The following G6PD variants were observed in gnomAD, a reference collection of about 807,000 sequenced individuals.
The protein encoded by G6PD is glucose-6-phosphate 1-dehydrogenase.
A neutral mutation model predicts 38.2 loss-of-function variants in G6PD; 2 were observed. That is an observed-to-expected ratio of 0.05 (90% CI 0.02 to 0.16). The LOEUF is 0.16. G6PD is among the 10% of genes least tolerant of loss of function. The pLI, the probability that G6PD is intolerant of heterozygous loss-of-function variation, is 1.00. For synonymous variants in G6PD, 188 were observed against 196.0 expected, an observed-to-expected ratio of 0.96 and a Z score of 0.34; for missense variants, 310 against 471.6, an observed-to-expected ratio of 0.66 and a Z score of 3.17.
chrX:154,531,869 G>T lies in G6PD; in HGVS notation c.*131C>A. On this transcript the variant is annotated 3_prime_UTR_variant, in exon 13 of 13. Coordinates refer to ENST00000393562, the MANE Select transcript of G6PD (RefSeq NM_001360016.2). The stretch of plus-strand genomic sequence containing the variant: ...TCGGGTAGTAGCAGCAGCGAGGGGC[G>T]GGCCAGGGTGGCCAGAGCCCGGGGC... 2.9e-6 allele frequency: 3 copies of T among 1,047,865 alleles called. No individual in the cohort carries two copies. Among genetic ancestry groups the T allele is most frequent in the Non-Finnish European group, 3.9e-6 (3 of 778,401 alleles). 86.4% of individuals were successfully genotyped at this position (1,047,865 alleles called of 1,213,427 possible).
intron 2 of G6PD, among the ~76,000 whole-genome samples, chrX:154,538,241 C>T (rs1364119313): frequency 9.0e-6 from 1 of 111,186 alleles, no homozygotes; most frequent in Non-Finnish European, 1.9e-5. Context: ...GTGATCTGCC[C>T]GCCTCAGCCT....
chrX:154,547,517 A>G, upstream of G6PD: 2 of 753,818 alleles, frequency 2.7e-6, no homozygotes, highest in African/African-American at 4.6e-5. Flanking sequence ...TTCTCTCCGG[A>G]GCGGGATGCG....
Position 154,546,706 on chromosome X carries a change from A to G in G6PD, c.-9+83T>C, listed in dbSNP as rs2070729426. 1.1e-5 allele frequency: 9 copies of G among 821,021 alleles called. No homozygotes were observed. The South Asian group carries it at 1.8e-4, about 17-fold the overall frequency. The allele number at this position is 821,021 out of a possible 1,213,427, so 67.7% of individuals were successfully genotyped here. A position where few individuals can be genotyped will look rare whatever the true frequency, so the allele number is the denominator to read the frequency against. On this transcript the variant is annotated intron_variant, in intron 1 of 12. Transcript: ENST00000393562. Reference sequence around the variant, plus strand: ...ATTCTGCTCGGTTCTCAAGCACAACAAACAGCGTGTATTTTACCGCCGCGC... The same window carrying G: ...ATTCTGCTCGGTTCTCAAGCACAACGAACAGCGTGTATTTTACCGCCGCGC...
At position 154,532,927 on chromosome X, in the gene G6PD, G is replaced by A; in HGVS notation, c.1051+15C>T. The A allele has an allele frequency of 1.7e-6, 2 of 1,211,615 alleles. No homozygotes were observed. Among genetic ancestry groups the A allele is most frequent in the Non-Finnish European group, 2.2e-6 (2 of 895,217 alleles). On this transcript the variant is annotated intron_variant, in intron 9 of 12. Coordinates refer to ENST00000393562, the MANE Select transcript of G6PD (RefSeq NM_001360016.2). ...GCCCAGTTCTGCCTTGCTGGGCCTC[G>A]AAGGCATCACCTACCATCCCACCTC...
At chrX:154,547,206 G>T (rs185623633), upstream of G6PD, 319 of 442,309 alleles carry the variant, frequency 7.2e-4, 1 homozygote, top group African/African-American at 7.5e-3. Context: ...GCTCGCGGAG[G>T]GCTCCACTTC....
chrX:154,533,284 G>GCT, intron 8 of G6PD, 156 bp from the exon 9 acceptor site: 2 of 571,612 alleles, frequency 3.5e-6, no homozygotes, highest in Non-Finnish European at 5.6e-6. Context: ...CCCTCCCTGA[G>GCT]GACCCTCCAG....
At position 154,533,558 on chromosome X, in the gene G6PD, C is replaced by A; in HGVS notation, c.864+18G>T. The A allele has an allele frequency of 8.3e-7, 1 of 1,210,924 alleles. No individual in the cohort carries two copies. Among genetic ancestry groups the A allele is most frequent in the Non-Finnish European group, 1.1e-6 (1 of 894,533 alleles). On this transcript the variant is annotated intron_variant, in intron 8 of 12. Transcript: ENST00000393562. ...CTGCGACAGGGCATGCTCCTGGGGA[C>A]TGGGGTGCACCCCCTACCTTCTCAT... is the stretch of plus-strand genomic sequence containing the variant.
chrX:154,546,771 G>A lies in G6PD; in HGVS notation c.-9+18C>T. 8.7e-7 allele frequency: 1 copy of A among 1,143,549 alleles called. No individual in the cohort carries two copies. The allele number at this position is 1,143,549 out of a possible 1,213,427, so 94.2% of individuals were successfully genotyped here. On this transcript the variant is annotated intron_variant, in intron 1 of 12. Transcript: ENST00000393562. ...CAGTACGCTCCTCCGCCTGCGCGGC[G>A]CCCGCCCGGCCGGTTACCTGCGCTT...
chrX:154,534,586 G>C, intron 5 of G6PD, 90 bp from the exon 6 acceptor site: 1 of 1,107,107 alleles, frequency 9.0e-7, no homozygotes, highest in Non-Finnish European at 1.2e-6. Context: ...CCTCCCAGGG[G>C]AGTAGAGGCC....
intron 2 of G6PD, among the ~76,000 whole-genome samples, chrX:154,544,107 C>T (rs1408884462): frequency 1.8e-5 from 2 of 109,724 alleles, no homozygotes; most frequent in Non-Finnish European, 3.8e-5. Flanking sequence ...ATGATCCACC[C>T]GCTTCAGCCT....
intron 5 of G6PD, 107 bp downstream of exon 5, chrX:154,535,061 C>T (rs2070390951): frequency 8.7e-6 from 7 of 803,204 alleles, no homozygotes; most frequent in Non-Finnish European, 1.3e-5. Flanking sequence ...GGCCCCGGCA[C>T]CATGGATGCT....
At chrX:154,547,370 G>A (rs1337162839), upstream of G6PD, 32 of 754,503 alleles carry the variant, frequency 4.2e-5, no homozygotes, top group Admixed American at 8.5e-4. Flanking sequence ...GAGAGGGCGG[G>A]GCGGCCGAGC....
In G6PD at chrX:154,541,880, G is replaced by A. The variant is rs782213290; in HGVS notation, c.120+4156C>T. Among the ~76,000 whole-genome samples the A allele has an allele frequency of 2.7e-5, 3 of 112,261 alleles. No individual in the cohort carries two copies. In the East Asian group the frequency reaches 8.4e-4, roughly 32 times the overall value. On this transcript the variant is annotated intron_variant, in intron 2 of 12. Transcript: ENST00000393562. ...GCATGAGGGTTTCATGGTAGAGCAC[G>A]ATGCCTGCTGGAGGGCCAGCGGGGG...
chrX:154,545,606 G>A (rs1479228868), intron 2 of G6PD: 6 of 164,817 alleles, frequency 3.6e-5, no homozygotes, highest in African/African-American at 9.5e-5. Flanking sequence ...AGGCCGAGGC[G>A]GGCGGATCAC....
intron 2 of G6PD, among the ~76,000 whole-genome samples, chrX:154,537,408 G>C (rs1183341355): frequency 8.9e-6 from 1 of 111,922 alleles, no homozygotes. Flanking sequence ...ACCTGAGTTC[G>C]GGAGTTCAAG....
Position 154,531,799 on chromosome X carries a change from C to A in G6PD, c.*201G>T. 1.6e-6 allele frequency: 1 copy of A among 609,364 alleles called. No homozygotes were observed. Among genetic ancestry groups the A allele is most frequent in the Non-Finnish European group, 2.5e-6 (1 of 397,584 alleles). 50.2% of individuals were successfully genotyped at this position (609,364 alleles called of 1,213,427 possible). On this transcript the variant is annotated 3_prime_UTR_variant, in exon 13 of 13. Transcript: ENST00000393562. ...TGGGCTCAGGCAGGGTCTGGAGGGG[C>A]CAGGATGGTCTCGAGTGCTTGGCAG...
intron 2 of G6PD, among the ~76,000 whole-genome samples, chrX:154,544,492 GCCATGTTGGC>G: frequency 8.9e-6 from 1 of 112,043 alleles, no homozygotes; most frequent in South Asian, 3.6e-4. Flanking sequence ...ACTGGGTTTC[GCCATGTTGGC>G]CAGGCTGGTG....
rs762516 is a variant in G6PD at position 154,536,448 on chromosome X, C to T, written c.121-270G>A. On this transcript the variant is annotated intron_variant, in intron 2 of 12. Coordinates refer to ENST00000393562, the MANE Select transcript of G6PD (RefSeq NM_001360016.2). ...GTAGAACCAAGGGACGACAGAAGTA[C>T]CATGTAGCCACATTTGTGAGACGTG... 0.044 allele frequency among the ~76,000 whole-genome samples: 4,941 copies of T among 112,120 alleles called. 261 individuals carry two copies. The highest frequency in any genetic ancestry group is 0.15 in the African/African-American group (4,707 of 30,769).
chrX:154,532,866 T>A, intron 9 of G6PD, 64 bp from the exon 10 acceptor site: 3 of 1,203,674 alleles, frequency 2.5e-6, no homozygotes, highest in Non-Finnish European at 3.4e-6. Flanking sequence ...TGCGTGAGTG[T>A]CTCAGTGGGA....
Sources: allele counts gnomAD v4.1 joint callset (sites outside exome capture counted in the v4.1 genomes callset), GRCh38; gene constraint gnomAD v4.1.1; transcripts MANE v1.5; gene names NCBI Gene and HGNC (gene_info 2026-07-23, HGNC 2026-07-21).